The following KCNQ5 variants were observed in gnomAD, a reference collection of about 807,000 sequenced individuals.
KCNQ5 encodes the protein potassium voltage-gated channel subfamily KQT member 5.
KCNQ5 carries 30 observed loss-of-function variants against 98.2 expected under a neutral mutation model. The ratio of observed to expected loss-of-function variants is 0.31; its 90% CI spans 0.23 to 0.41. The LOEUF (loss-of-function observed/expected upper bound fraction) is 0.41, where lower values mean the gene tolerates loss of function less well. Among genes scored for constraint, KCNQ5 ranks in the 10% least tolerant of loss-of-function variants. The pLI, the probability that KCNQ5 is intolerant of heterozygous loss-of-function variation, is 1.00. For missense variants in KCNQ5, 835 were observed against 1,182.5 expected, an observed-to-expected ratio of 0.71 and a Z score of 4.31; for synonymous variants, 458 against 449.4, an observed-to-expected ratio of 1.02 and a Z score of -0.24.
intron 8 of KCNQ5, 46 bp from the exon 9 acceptor site, chr6:73,124,440 T>A: frequency 6.3e-7 from 1 of 1,598,076 alleles, no homozygotes; most frequent in East Asian, 2.2e-5. Context: ...TATAAATATA[T>A]TCACTGGTTT....
At chr6:72,745,242 G>GA (rs1291129599) in intron 1 of KCNQ5, among the ~76,000 whole-genome samples, 1 of 152,156 alleles carries the variant, frequency 6.6e-6, no homozygotes, top group Non-Finnish European at 1.5e-5. Flanking sequence ...CCTTAAAACT[G>GA]AAAAGATCAA....
chr6:73,045,413 C>A (rs575066737), intron 3 of KCNQ5, among the ~76,000 whole-genome samples: 167 of 152,156 alleles, frequency 1.1e-3, no homozygotes, highest in Non-Finnish European at 1.9e-3. Context: ...TTCCTCATAT[C>A]TATGTGTTCA....
intron 1 of KCNQ5, among the ~76,000 whole-genome samples, chr6:72,876,178 A>T (rs1778402361): frequency 6.6e-6 from 1 of 152,118 alleles, no homozygotes; most frequent in Admixed American, 6.5e-5. Context: ...TTTTCATAAG[A>T]TTTTAGAGTA....
chr6:72,754,357 G>T (rs967985382), intron 1 of KCNQ5, among the ~76,000 whole-genome samples: 1 of 152,156 alleles, frequency 6.6e-6, no homozygotes, highest in Non-Finnish European at 1.5e-5. Context: ...AAGCTCACTT[G>T]GTCATGATGT....
chr6:72,726,994 C>T (rs538168752), intron 1 of KCNQ5, among the ~76,000 whole-genome samples: 6 of 152,150 alleles, frequency 3.9e-5, no homozygotes, highest in Non-Finnish European at 8.8e-5. Flanking sequence ...CACTCTTAGT[C>T]GTGACATGCA....
chr6:73,013,136 TGTTA>T (rs1770161302), intron 2 of KCNQ5, among the ~76,000 whole-genome samples: 1 of 152,142 alleles, frequency 6.6e-6, no homozygotes, highest in South Asian at 2.1e-4. Flanking sequence ...CCGCAATCAC[TGTTA>T]ATTATGGAAG....
intron 9 of KCNQ5, among the ~76,000 whole-genome samples, chr6:73,124,938 T>C (rs948383067): frequency 2.0e-4 from 9 of 45,502 alleles, no homozygotes; most frequent in Middle Eastern, 0.015. Context: ...TTTGGAGTGA[T>C]ATATATATAT....
chr6:72,769,391 T>C lies in KCNQ5; in HGVS notation c.398+146804T>C, dbSNP rs372552940. Among the ~76,000 whole-genome samples, 7 of 152,102 alleles carry C rather than the reference T, an allele frequency of 4.6e-5. No individual in the cohort carries two copies. The East Asian group carries it at 1.4e-3, about 29-fold the overall frequency. ...GCATGATCAAATACAAAATCATAGA[T>C]ACATCATAAAATATGAGGGCTATCT... On this transcript the variant is annotated intron_variant, in intron 1 of 13. Transcript: ENST00000370398.
At chr6:72,738,214 C>G (rs190214367) in intron 1 of KCNQ5, among the ~76,000 whole-genome samples, 52 of 152,144 alleles carry the variant, frequency 3.4e-4, no homozygotes. Context: ...TAATACCTTA[C>G]AGGGCAAAAA....
intron 1 of KCNQ5, among the ~76,000 whole-genome samples, chr6:72,892,265 A>G (rs1047527406): frequency 2.0e-5 from 3 of 152,248 alleles, no homozygotes; most frequent in Non-Finnish European, 4.4e-5. Flanking sequence ...CACTTTATGC[A>G]CAACTGAAAG....
At chr6:72,773,117 G>T in intron 1 of KCNQ5, among the ~76,000 whole-genome samples, 1 of 151,918 alleles carries the variant, frequency 6.6e-6, no homozygotes, top group Non-Finnish European at 1.5e-5. Context: ...CCCATTACTG[G>T]GTCAAATTAC....
At chr6:73,071,953 A>G (rs1198529926) in intron 3 of KCNQ5, among the ~76,000 whole-genome samples, 1 of 152,196 alleles carries the variant, frequency 6.6e-6, no homozygotes, top group Non-Finnish European at 1.5e-5. Flanking sequence ...TAAAGTGTAT[A>G]TTTTATTAAA....
intron 1 of KCNQ5, among the ~76,000 whole-genome samples, chr6:72,780,585 C>G (rs1773411333): frequency 6.6e-6 from 1 of 152,064 alleles, no homozygotes; most frequent in Non-Finnish European, 1.5e-5. Flanking sequence ...AGAAGGCAAC[C>G]CAGTTTTGCT....
At chr6:72,814,509 G>T (rs1004292565) in intron 1 of KCNQ5, among the ~76,000 whole-genome samples, 3 of 152,178 alleles carry the variant, frequency 2.0e-5, no homozygotes, top group African/African-American at 7.2e-5. Context: ...CCCGACACAG[G>T]AAGTTAAGCA....
intron 5 of KCNQ5, among the ~76,000 whole-genome samples, chr6:73,086,849 A>G (rs1374704380): frequency 6.6e-6 from 1 of 152,168 alleles, no homozygotes; most frequent in Non-Finnish European, 1.5e-5. Flanking sequence ...ATGAGGGAGT[A>G]TTTTGGATAA....
chr6:72,648,918 G>T (rs186947831), intron 1 of KCNQ5, among the ~76,000 whole-genome samples: 3 of 152,076 alleles, frequency 2.0e-5, no homozygotes, highest in African/African-American at 7.2e-5. Flanking sequence ...GTTATGTTCA[G>T]TTAATCTACC....
intron 1 of KCNQ5, among the ~76,000 whole-genome samples, chr6:72,796,033 C>T (rs1774318808): frequency 6.6e-6 from 1 of 151,956 alleles, no homozygotes; most frequent in Admixed American, 6.6e-5. Context: ...AAAGTGAACC[C>T]CAAATGTACA....
chr6:72,658,578 A>ATT (rs1219877866), intron 1 of KCNQ5, among the ~76,000 whole-genome samples: 172 of 76,314 alleles, frequency 2.3e-3, no homozygotes, highest in Non-Finnish European at 3.3e-3. Context: ...ATATATATAT[A>ATT]TTTTTTTTTT....
chr6:73,056,258 G>T (rs189592564), intron 3 of KCNQ5, among the ~76,000 whole-genome samples: 3 of 152,308 alleles, frequency 2.0e-5, no homozygotes, highest in South Asian at 2.1e-4. Context: ...GCCACTGCCT[G>T]GGGGCTCTAG....
Sources: gnomAD v4.1 joint callset for allele counts (sites outside exome capture counted in the v4.1 genomes callset) on GRCh38, gnomAD v4.1.1 for gene constraint, MANE v1.5 for transcripts, NCBI Gene and HGNC (gene_info 2026-07-23, HGNC 2026-07-21) for gene names.